TTC28: variants seen among roughly 807,000 people sequenced by gnomAD.
The protein encoded by TTC28 is tetratricopeptide repeat protein 28.
TTC28 carries 61 observed loss-of-function variants against 198.0 expected under a neutral mutation model. That is an observed-to-expected ratio of 0.31 (90% CI 0.25 to 0.38). The LOEUF is 0.38. TTC28 is among the 10% of genes least tolerant of loss of function. TTC28 has a pLI of 1.00. For synonymous variants in TTC28, 1,171 were observed against 1,297.8 expected (o/e 0.90, Z 2.10); for missense variants, 2,678 against 3,164.0 (o/e 0.85, Z 3.69).
At chr22:28,314,669 A>G (rs937642664) in intron 2 of TTC28, among the ~76,000 whole-genome samples, 3 of 152,160 alleles carry the variant, frequency 2.0e-5, no homozygotes, top group African/African-American at 7.2e-5. Flanking sequence ...AGTTGCTCCT[A>G]TTCGGCCATC....
At chr22:28,653,370 G>C (rs1007524468) in intron 1 of TTC28, among the ~76,000 whole-genome samples, 3 of 152,018 alleles carry the variant, frequency 2.0e-5, no homozygotes, top group Non-Finnish European at 4.4e-5. Context: ...CAGGAATGTG[G>C]TGTGAGTCCG....
At position 27,982,239 on chromosome 22, in the gene TTC28, G is replaced by A. The variant is rs939128663; in HGVS notation, c.7428C>T (p.Phe2476=). ...GYKFLSPGRF[F]PSSKC ...AGATGCTTTAGCATTTGGAAGAAGGGAAAAATCTTCCTGGAGACAGGAACT... is the reference window on the plus strand; with the variant it reads ...AGATGCTTTAGCATTTGGAAGAAGGAAAAAATCTTCCTGGAGACAGGAACT... Residue 2476 remains phenylalanine, a synonymous_variant, in exon 23 of 23, where the codon TTC becomes TTT. Transcript: ENST00000397906. The surrounding 1 kb of genome is among the most constrained non-coding windows in gnomAD (Gnocchi z 5.2). 5.5e-6 allele frequency: 8 copies of A among 1,465,800 alleles called. No individual in the cohort carries two copies. The highest frequency in any genetic ancestry group is 2.5e-5 in the East Asian group (1 of 40,308). 90.8% of individuals were successfully genotyped at this position (1,465,800 alleles called of 1,614,324 possible).
At chr22:28,032,179 TATATATATAAAATATATATATATAAA>T (rs1332601819) in intron 12 of TTC28, among the ~76,000 whole-genome samples, 7 of 76,404 alleles carry the variant, frequency 9.2e-5, no homozygotes, top group African/African-American at 2.3e-4. Context: ...TATATATATA[TATATATATAAAATATATATATATAAA>T]ATATATATAT....
intron 2 of TTC28, among the ~76,000 whole-genome samples, chr22:28,394,077 T>A (rs185196303): frequency 2.0e-5 from 3 of 151,146 alleles, no homozygotes; most frequent in Non-Finnish European, 1.5e-5. Context: ...CAAGCCAGCA[T>A]TTTTTTTACT....
At chr22:28,366,265 C>T (rs2046244296) in intron 2 of TTC28, among the ~76,000 whole-genome samples, 2 of 152,156 alleles carry the variant, frequency 1.3e-5, no homozygotes, top group African/African-American at 4.8e-5. Flanking sequence ...TGACATTCTG[C>T]CCACAAAGGC....
intron 20 of TTC28, 86 bp from the exon 21 acceptor site, chr22:27,990,093 C>T (rs574117486): frequency 1.4e-6 from 2 of 1,474,770 alleles, no homozygotes; most frequent in Non-Finnish European, 1.8e-6. Flanking sequence ...CTTATGTCAC[C>T]TGTCACTGGC....
intron 12 of TTC28, among the ~76,000 whole-genome samples, chr22:28,038,517 T>A (rs1337036355): frequency 6.6e-6 from 1 of 152,088 alleles, no homozygotes; most frequent in African/African-American, 2.4e-5. Context: ...CAAAAATTAA[T>A]TCAAGATGGA....
chr22:28,161,453 G>C (rs1044091931), intron 6 of TTC28, among the ~76,000 whole-genome samples: 1 of 152,132 alleles, frequency 6.6e-6, no homozygotes, highest in Non-Finnish European at 1.5e-5. Context: ...TTTCAGACCA[G>C]CTTGGGCAAC....
intron 12 of TTC28, among the ~76,000 whole-genome samples, chr22:28,032,217 TAA>T (rs1352028938): frequency 1.7e-5 from 2 of 114,618 alleles, no homozygotes; most frequent in Non-Finnish European, 1.8e-5. Flanking sequence ...TATATATATA[TAA>T]AATATATATA....
intron 2 of TTC28, among the ~76,000 whole-genome samples, chr22:28,405,640 G>C (rs2046987989): frequency 6.6e-6 from 1 of 152,156 alleles, no homozygotes; most frequent in Non-Finnish European, 1.5e-5. Flanking sequence ...ATTTCTCTGG[G>C]AAGCTAAATT....
intron 5 of TTC28, among the ~76,000 whole-genome samples, chr22:28,271,095 T>G: frequency 6.6e-6 from 1 of 152,126 alleles, no homozygotes; most frequent in South Asian, 2.1e-4. Context: ...AAGACAATAT[T>G]CTTTGTGGTT....
rs766933774 is a variant in TTC28, at chr22:28,422,441, A to AT, written c.382-115799dup. Among the ~76,000 whole-genome samples the AT allele has an allele frequency of 2.7e-3, 392 of 144,624 alleles. 1 individual carries two copies. Among genetic ancestry groups the AT allele is most frequent in the Middle Eastern group, 6.9e-3 (2 of 288 alleles). The allele number at this position is 144,624 out of a possible 152,430, so 94.9% of individuals were successfully genotyped here. On this transcript the variant is annotated intron_variant, in intron 2 of 22. Coordinates refer to ENST00000397906, the MANE Select transcript of TTC28 (RefSeq NM_001145418.2). ...TCTTGCTATTTAATAACATTAAATA[A>AT]TTTTTTTTTTTTTTTGAGACGGAGT...
In TTC28 at chr22:28,159,569, A is replaced by T. The variant is rs149642092; in HGVS notation, c.1441+3523T>A. On this transcript the variant is annotated intron_variant, in intron 6 of 22. Transcript: ENST00000397906. ...AGCTACCCGGGAGGCTAAGGCAGGA[A>T]AATCGCTGGAACCCAGGAGGCAGAG... Among the ~76,000 whole-genome samples the T allele has an allele frequency of 1.0e-3, 156 of 151,932 alleles. 4 individuals are homozygous for T. In the East Asian group the frequency reaches 0.028, roughly 27 times the overall value.
rs990020547 is a variant in TTC28, at chr22:27,979,611, C to T, written c.*2610G>A. ...TAGCTCATGGCTGTGAAAAACCAGA[C>T]CGCTGACCAGTCTTAGCCTGTGGGT... On this transcript the variant is annotated 3_prime_UTR_variant, in exon 23 of 23. Coordinates refer to ENST00000397906, the MANE Select transcript of TTC28 (RefSeq NM_001145418.2). The T allele has an allele frequency of 6.6e-6, 1 of 152,048 alleles. No homozygotes were observed. The highest frequency in any genetic ancestry group is 1.5e-5 in the Non-Finnish European group (1 of 68,010). The allele number at this position is 152,048 out of a possible 1,614,324, so 9.4% of individuals were successfully genotyped here.
chr22:28,339,410 T>C (rs1222027155), intron 2 of TTC28, among the ~76,000 whole-genome samples: 1 of 152,212 alleles, frequency 6.6e-6, no homozygotes, highest in African/African-American at 2.4e-5. Flanking sequence ...CACTACTCTC[T>C]TCAAAGCTGT....
At chr22:28,580,717 A>G (rs1468093089) in intron 2 of TTC28, among the ~76,000 whole-genome samples, 2 of 152,150 alleles carry the variant, frequency 1.3e-5, no homozygotes, top group Non-Finnish European at 2.9e-5. Context: ...ATCTGAATCT[A>G]TTTGCTTTTG....
chr22:28,415,988 C>G (rs751174819), intron 2 of TTC28, among the ~76,000 whole-genome samples: 4 of 152,158 alleles, frequency 2.6e-5, no homozygotes, highest in Non-Finnish European at 5.9e-5. Context: ...CTAAAAAAGG[C>G]ATTGAACTTT....
At chr22:28,457,518 C>T (rs772546039) in intron 2 of TTC28, among the ~76,000 whole-genome samples, 7 of 152,302 alleles carry the variant, frequency 4.6e-5, no homozygotes, top group Non-Finnish European at 8.8e-5. Context: ...TTATGAAGCA[C>T]GGTCATAGCT....
chr22:28,636,749 A>G (rs1048833498), intron 1 of TTC28, among the ~76,000 whole-genome samples: 12 of 152,070 alleles, frequency 7.9e-5, no homozygotes, highest in African/African-American at 2.9e-4. Context: ...GAGTTGTATG[A>G]GTTCCTTATA....
Sources: allele counts gnomAD v4.1 joint callset (sites outside exome capture counted in the v4.1 genomes callset), GRCh38; gene constraint gnomAD v4.1.1; non-coding constraint Gnocchi (gnomAD v3.1); transcripts MANE v1.5; gene names NCBI Gene and HGNC (gene_info 2026-07-23, HGNC 2026-07-21).